MTOR: variants seen among roughly 807,000 people sequenced by gnomAD.
MTOR encodes serine/threonine-protein kinase mTOR.
A neutral mutation model predicts 319.8 loss-of-function variants in MTOR; 70 were observed. That is an observed-to-expected ratio of 0.22 (90% CI 0.18 to 0.27). The LOEUF is 0.27. MTOR is among the 10% of genes least tolerant of loss of function. The pLI is 1.00. For synonymous variants in MTOR, 1,183 were observed against 1,211.4 expected (o/e 0.98, Z 0.49); for missense variants, 1,890 against 3,274.4 (o/e 0.58, Z 10.32).
rs557994149 is a variant in MTOR at position 11,240,475 on chromosome 1, C to G, written c.1614G>C (p.Gly538=). 8.2e-5 allele frequency: 133 copies of G among 1,614,198 alleles called. 1 individual carries two copies. In the South Asian group the frequency reaches 1.4e-3, roughly 17 times the overall value. The change falls in exon 11 of 58, where the codon GGG becomes GGC. Residue 538 remains glycine, a synonymous_variant. Transcript: ENST00000361445. ...GGACCAGGGACAGCATTTTCAGTAGCCCATCTTGAATGTCCTTCTTTAGCT... is the reference window on the plus strand; with the variant it reads ...GGACCAGGGACAGCATTTTCAGTAGGCCATCTTGAATGTCCTTCTTTAGCT... The part of the protein sequence containing the change: ...IPQLKKDIQD[G]LLKMLSLVLM...
At position 11,111,438 on chromosome 1, in the gene MTOR, G is replaced by A. The variant is rs145438945; in HGVS notation, c.7366+1414C>T. On this transcript the variant is annotated intron_variant, in intron 54 of 57. Coordinates refer to ENST00000361445, the MANE Select transcript of MTOR (RefSeq NM_004958.4). The stretch of plus-strand genomic sequence containing the variant: ...AGAGGTTGCAGCGAGCCGAGACTGC[G>A]CCACCATACTCCAGCCTGGGTGACA... 1.8e-3 allele frequency: 325 copies of A among 179,100 alleles called. 3 individuals carry two copies. The highest frequency in any genetic ancestry group is 7.4e-3 in the African/African-American group (301 of 40,466). 11.1% of individuals were successfully genotyped at this position (179,100 alleles called of 1,614,324 possible). A position where few individuals can be genotyped will look rare whatever the true frequency, so the allele number is the denominator to read the frequency against.
At chr1:11,223,690 A>G (rs779726905) in intron 19 of MTOR, among the ~76,000 whole-genome samples, 23 of 152,210 alleles carry the variant, frequency 1.5e-4, no homozygotes, top group Admixed American at 6.5e-4. Context: ...GACAAAAAAG[A>G]AAGATAAACA....
intron 18 of MTOR, among the ~76,000 whole-genome samples, chr1:11,229,838 G>T (rs1646960557): frequency 6.6e-6 from 1 of 152,046 alleles, no homozygotes; most frequent in Admixed American, 6.6e-5. Flanking sequence ...GTATCGAGGT[G>T]TGGTGGCACA....
rs769909041 is a variant in MTOR at position 11,243,193 on chromosome 1, T to C, written c.1333A>G (p.Arg445Gly). Residue 445 changes from arginine (R) to glycine (G), a missense_variant, in exon 9 of 58, where the codon AGG (arginine) becomes GGG (glycine). Physicochemically the swap from Arg to Gly is moderately radical, Grantham distance 125. Around this residue, in one of 15 missense-constraint regions of MTOR, gnomAD observed 418 missense variants for 543.1 expected, o/e 0.77. Coordinates refer to ENST00000361445, the MANE Select transcript of MTOR (RefSeq NM_004958.4). ...GGCAAATAGACCTTAAACTCAGACC[T>C]CACAGCCACAGAAAGTAGCCCCAGG... ...QALGLLSVAVRSEFKVYLPRV... is the reference protein window; with the variant it reads ...QALGLLSVAVGSEFKVYLPRV... 6.2e-7 allele frequency: 1 copy of C among 1,614,078 alleles called. No individual in the cohort carries two copies. The highest frequency in any genetic ancestry group is 8.5e-7 in the Non-Finnish European group (1 of 1,180,028).
At chr1:11,141,535 A>G (rs1291622037) in intron 34 of MTOR, among the ~76,000 whole-genome samples, 2 of 151,836 alleles carry the variant, frequency 1.3e-5, no homozygotes, top group Non-Finnish European at 2.9e-5. Flanking sequence ...TGCCTGGCTA[A>G]TTTTTGTATT....
intron 49 of MTOR, among the ~76,000 whole-genome samples, chr1:11,119,214 C>T (rs970779545): frequency 2.4e-4 from 36 of 151,276 alleles, no homozygotes; most frequent in Non-Finnish European, 3.7e-4. Context: ...GCGGATAACT[C>T]GAGGCTAGGA....
intron 30 of MTOR, chr1:11,152,579 G>A (rs1275539045): frequency 2.0e-5 from 3 of 152,032 alleles, no homozygotes; most frequent in Non-Finnish European, 2.9e-5. Flanking sequence ...AGTTCACTTT[G>A]GCTGCAGGCG....
At chr1:11,182,367 T>C (rs776784464) in intron 28 of MTOR, among the ~76,000 whole-genome samples, 1 of 152,186 alleles carries the variant, frequency 6.6e-6, no homozygotes, top group Non-Finnish European at 1.5e-5. Context: ...GAGACAACAA[T>C]TGTGTACTAA....
rs374303493 is a variant in MTOR, at chr1:11,228,937, G to C, written c.2780-19C>G. Reference sequence around the variant, plus strand: ...TAGTCAGCTAGGACAAAACAACAGAGAGTGTTAGAGCTACACATGGCATGA... The same window carrying C: ...TAGTCAGCTAGGACAAAACAACAGACAGTGTTAGAGCTACACATGGCATGA... On this transcript the variant is annotated intron_variant, in intron 18 of 57. Coordinates refer to ENST00000361445, the MANE Select transcript of MTOR (RefSeq NM_004958.4). 19 of 1,613,196 alleles carry C rather than the reference G, an allele frequency of 1.2e-5. No homozygotes were observed. The African/African-American group carries it at 2.4e-4, about 20-fold the overall frequency.
chr1:11,135,880 A>C (rs967755228), intron 36 of MTOR, among the ~76,000 whole-genome samples: 1 of 151,526 alleles, frequency 6.6e-6, no homozygotes, highest in Non-Finnish European at 1.5e-5. Flanking sequence ...CACGCCTGTA[A>C]TCTCAGCACT....
At chr1:11,138,596 T>C (rs1243981340) in intron 36 of MTOR, among the ~76,000 whole-genome samples, 2 of 152,146 alleles carry the variant, frequency 1.3e-5, no homozygotes, top group Admixed American at 1.3e-4. Flanking sequence ...TCCTCTCTCA[T>C]CTCAGGTACT....
intron 34 of MTOR, 151 bp from the exon 35 acceptor site, chr1:11,139,809 A>C: frequency 1.1e-6 from 1 of 948,184 alleles, no homozygotes; most frequent in Non-Finnish European, 1.6e-6. Flanking sequence ...CTCCTGCCTC[A>C]GCCTCCCGAG....
chr1:11,237,440 A>G (rs1647356750), intron 13 of MTOR, among the ~76,000 whole-genome samples: 1 of 152,152 alleles, frequency 6.6e-6, no homozygotes. Context: ...TTTGTGAAGA[A>G]CAACGGCCTC....
In MTOR at chr1:11,110,600, C is replaced by T. The variant is rs145588311; in HGVS notation, c.7367-871G>A. Among the ~76,000 whole-genome samples the T allele has an allele frequency of 7.8e-4, 119 of 152,162 alleles. No homozygotes were observed. The East Asian group carries it at 0.02, about 25-fold the overall frequency. ...TAGTACAGATGGGGTTTCTCCATGTCGGTCAAGCTGGTCTCAAACTCTTGA... is the reference window on the plus strand; with the variant it reads ...TAGTACAGATGGGGTTTCTCCATGTTGGTCAAGCTGGTCTCAAACTCTTGA... On this transcript the variant is annotated intron_variant, in intron 54 of 57. Coordinates refer to ENST00000361445, the MANE Select transcript of MTOR (RefSeq NM_004958.4).
rs1314744053 is a variant in MTOR, at chr1:11,240,552, G to A, written c.1542-5C>T. ...AGCACTGCAGTGAGGGCAGGGCTGA[G>A]GGGAAGGAAACAAGTCACATAAGGG... On this transcript the variant is annotated splice_polypyrimidine_tract_variant and splice_region_variant and intron_variant, in intron 10 of 57. Coordinates refer to ENST00000361445, the MANE Select transcript of MTOR (RefSeq NM_004958.4). 2 of 1,613,224 alleles carry A rather than the reference G, an allele frequency of 1.2e-6. No individual in the cohort carries two copies.
At chr1:11,159,269 T>C (rs889006328) in intron 29 of MTOR, among the ~76,000 whole-genome samples, 2 of 152,174 alleles carry the variant, frequency 1.3e-5, no homozygotes, top group South Asian at 2.1e-4. Flanking sequence ...CAAACAAGGA[T>C]TGTGGCAAGG....
At chr1:11,157,079 T>C (rs2100565822) in intron 30 of MTOR, 73 bp downstream of exon 30, 1 of 1,490,338 alleles carries the variant, frequency 6.7e-7, no homozygotes. Context: ...GGGGGAAGCC[T>C]TCCTTTCAAA....
At chr1:11,174,130 C>T (rs1013490492) in intron 28 of MTOR, among the ~76,000 whole-genome samples, 75 of 152,146 alleles carry the variant, frequency 4.9e-4, no homozygotes, top group African/African-American at 1.7e-3. Flanking sequence ...GGAAAAGTAT[C>T]TTTAGTGCCA....
intron 30 of MTOR, among the ~76,000 whole-genome samples, chr1:11,156,503 C>G (rs1319332871): frequency 1.3e-5 from 2 of 152,112 alleles, no homozygotes; most frequent in African/African-American, 4.8e-5. Context: ...CCTGTTTCCC[C>G]CCTACCTTCT....
Sources: gnomAD v4.1 joint callset for allele counts (sites outside exome capture counted in the v4.1 genomes callset) on GRCh38, gnomAD v4.1.1 for gene constraint, gnomAD v4.1.1 regional missense constraint, MANE v1.5 for transcripts, NCBI Gene and HGNC (gene_info 2026-07-23, HGNC 2026-07-21) for gene names.